CHST9: variants seen among roughly 807,000 people sequenced by gnomAD.
The protein encoded by CHST9 is GalNAc-4-sulfotransferase 2.
A neutral mutation model predicts 44.4 loss-of-function variants in CHST9; 41 were observed. That is an observed-to-expected ratio of 0.92 (90% CI 0.72 to 1.20). The LOEUF (loss-of-function observed/expected upper bound fraction) is 1.20, where lower values mean the gene tolerates loss of function less well. CHST9 is among the 50% of genes most tolerant of loss of function. The pLI, the probability that CHST9 is intolerant of heterozygous loss-of-function variation, is 0.00. For missense variants in CHST9, 504 were observed against 516.5 expected, an observed-to-expected ratio of 0.98 and a Z score of 0.23; for synonymous variants, 171 against 178.4, an observed-to-expected ratio of 0.96 and a Z score of 0.33.
intron 2 of CHST9, among the ~76,000 whole-genome samples, chr18:27,107,256 C>T (rs566053830): frequency 1.3e-5 from 2 of 152,068 alleles, no homozygotes; most frequent in Admixed American, 6.6e-5. Context: ...CTGAAGTTTC[C>T]GCCAGTGGTA....
At chr18:27,063,446 GATC>G (rs1245396621) in intron 2 of CHST9, among the ~76,000 whole-genome samples, 5 of 152,274 alleles carry the variant, frequency 3.3e-5, no homozygotes, top group South Asian at 2.1e-4. Context: ...CTTTATAAAT[GATC>G]ATCATCAAAT....
At chr18:27,149,599 C>CTTTTTTTTT (rs60489244) in intron 1 of CHST9, among the ~76,000 whole-genome samples, 1 of 142,926 alleles carries the variant, frequency 7.0e-6, no homozygotes, top group Non-Finnish European at 1.5e-5. Flanking sequence ...CTATTTTCAG[C>CTTTTTTTTT]TTTTTTTTTT....
At chr18:27,053,209 G>A (rs10468888) in intron 2 of CHST9, among the ~76,000 whole-genome samples, 61 of 79,132 alleles carry the variant, frequency 7.7e-4, no homozygotes, top group East Asian at 1.9e-3. Context: ...AACAAGAAGA[G>A]GAGGAAGAGG....
chr18:27,145,252 C>T (rs978354567), intron 1 of CHST9, among the ~76,000 whole-genome samples: 14 of 152,012 alleles, frequency 9.2e-5, no homozygotes, highest in Middle Eastern at 3.2e-3. Flanking sequence ...AGTGCAGTGC[C>T]GCAATCTTGG....
At position 27,142,838 on chromosome 18, in the gene CHST9, CAT is replaced by C; in HGVS notation, c.-31_-30del. On this transcript the variant is annotated 5_prime_UTR_variant, in exon 2 of 6. An upstream start codon of the reference 5' UTR is lost. Transcript: ENST00000618847. The stretch of plus-strand genomic sequence containing the variant: ...TCCTTATTTCAGAATCTGAAGACCA[CAT>C]GATTTGTTTTCCCGTAAAACTTCAG... The C allele has an allele frequency of 3.2e-6, 5 of 1,569,158 alleles. No individual in the cohort carries two copies. The highest frequency in any genetic ancestry group is 4.3e-6 in the Non-Finnish European group (5 of 1,160,334).
intron 2 of CHST9, among the ~76,000 whole-genome samples, chr18:27,065,494 C>A (rs1308846755): frequency 3.3e-5 from 5 of 151,106 alleles, no homozygotes; most frequent in Non-Finnish European, 7.4e-5. Flanking sequence ...TTTGGTTATT[C>A]AAGTGAGACT....
chr18:27,153,379 A>T (rs1325154127), intron 1 of CHST9, among the ~76,000 whole-genome samples: 1 of 152,026 alleles, frequency 6.6e-6, no homozygotes, highest in Admixed American at 6.6e-5. Context: ...CTCCCCTTGG[A>T]GGCAAGGACA....
At chr18:26,943,421 T>C (rs1280935258) in intron 5 of CHST9, among the ~76,000 whole-genome samples, 1 of 152,222 alleles carries the variant, frequency 6.6e-6, no homozygotes, top group African/African-American at 2.4e-5. Context: ...GAATTTCTTT[T>C]GGAGTGCACT....
chr18:27,133,065 T>C (rs1420587714), intron 2 of CHST9, among the ~76,000 whole-genome samples: 1 of 152,080 alleles, frequency 6.6e-6, no homozygotes, highest in South Asian at 2.1e-4. Flanking sequence ...TAGCCTCCCA[T>C]CCCCTGGACG....
chr18:27,134,372 T>C (rs1253596168), intron 2 of CHST9, among the ~76,000 whole-genome samples: 1 of 151,232 alleles, frequency 6.6e-6, no homozygotes, highest in African/African-American at 2.4e-5. Context: ...GGCTTTACTT[T>C]GCCTGAAATC....
chr18:26,956,576 T>C (rs927924340), intron 4 of CHST9, among the ~76,000 whole-genome samples: 7 of 151,732 alleles, frequency 4.6e-5, no homozygotes, highest in African/African-American at 1.7e-4. Flanking sequence ...GTCTCTTGCT[T>C]ATGGATAGCC....
chr18:27,036,361 G>A (rs2057390517), intron 3 of CHST9, among the ~76,000 whole-genome samples: 1 of 152,194 alleles, frequency 6.6e-6, no homozygotes, highest in Non-Finnish European at 1.5e-5. Context: ...TGTCTAAACT[G>A]TCTGGAAGAC....
chr18:27,134,517 C>T (rs2058497665), intron 2 of CHST9, among the ~76,000 whole-genome samples: 1 of 152,132 alleles, frequency 6.6e-6, no homozygotes, highest in Admixed American at 6.5e-5. Flanking sequence ...CTATTCTGGC[C>T]AACTTGCCAC....
chr18:27,161,847 C>T (rs1477558215), intron 1 of CHST9, among the ~76,000 whole-genome samples: 2 of 152,006 alleles, frequency 1.3e-5, no homozygotes, highest in Non-Finnish European at 2.9e-5. Flanking sequence ...GAATTGATCC[C>T]TTTACCATTA....
At position 27,142,883 on chromosome 18, in the gene CHST9, A is replaced by C; in HGVS notation, c.-74T>G. The stretch of plus-strand genomic sequence containing the variant: ...AACTTCAGTCTTTTCTTGTTCTCTA[A>C]GAGCCCAATTCCATAAAGTAACCTA... On this transcript the variant is annotated 5_prime_UTR_variant, in exon 2 of 6. Coordinates refer to ENST00000618847, the MANE Select transcript of CHST9 (RefSeq NM_031422.6). 1 of 1,418,374 alleles carries C rather than the reference A, an allele frequency of 7.1e-7. No homozygotes were observed. Among genetic ancestry groups the C allele is most frequent in the Non-Finnish European group, 9.6e-7 (1 of 1,043,426 alleles). The allele number at this position is 1,418,374 out of a possible 1,614,324, so 87.9% of individuals were successfully genotyped here. A position where few individuals can be genotyped will look rare whatever the true frequency, so the allele number is the denominator to read the frequency against.
At chr18:26,974,341 T>C (rs1409866605) in intron 4 of CHST9, among the ~76,000 whole-genome samples, 1 of 152,196 alleles carries the variant, frequency 6.6e-6, no homozygotes, top group Non-Finnish European at 1.5e-5. Flanking sequence ...CTAGTCACTA[T>C]CAGTGTTCCA....
In CHST9 at chr18:27,107,920, T is replaced by C. The variant is rs569430192; in HGVS notation, c.121+34769A>G. ...ATTCCCCATCATGTGCATTTCTGCT[T>C]TGTGTTCTAGTTACACTCAATCTCA... On this transcript the variant is annotated intron_variant, in intron 2 of 5. Coordinates refer to ENST00000618847, the MANE Select transcript of CHST9 (RefSeq NM_031422.6). Among the ~76,000 whole-genome samples, 25 of 152,322 alleles carry C rather than the reference T, an allele frequency of 1.6e-4. No homozygotes were observed. In the South Asian group the frequency reaches 5.2e-3, roughly 32 times the overall value.
chr18:27,166,196 G>A (rs1286114177), intron 1 of CHST9, among the ~76,000 whole-genome samples: 2 of 152,002 alleles, frequency 1.3e-5, no homozygotes, highest in Non-Finnish European at 2.9e-5. Context: ...TAACTCATCT[G>A]TTCTGGTCTC....
intron 2 of CHST9, among the ~76,000 whole-genome samples, chr18:27,104,056 T>A (rs8097772): frequency 6.6e-6 from 1 of 151,944 alleles, no homozygotes; most frequent in East Asian, 1.9e-4. Context: ...TAAAATCTTC[T>A]ATCATACTTT....
Sources: allele counts gnomAD v4.1 joint callset (sites outside exome capture counted in the v4.1 genomes callset), GRCh38; gene constraint gnomAD v4.1.1; transcripts MANE v1.5; gene names NCBI Gene and HGNC (gene_info 2026-07-23, HGNC 2026-07-21).